The following SLC35F3 variants were observed in gnomAD, a reference collection of about 807,000 sequenced individuals.
The protein encoded by SLC35F3 is solute carrier family 35 member F3, also known as putative thiamine transporter SLC35F3.
Under a neutral mutation model 49.9 loss-of-function variants are expected in SLC35F3, and 25 were observed. The ratio of observed to expected loss-of-function variants is 0.50; its 90% CI spans 0.37 to 0.70. The LOEUF (loss-of-function observed/expected upper bound fraction) is 0.70. SLC35F3 is among the 30% of genes least tolerant of loss of function. SLC35F3 has a pLI of 0.00. For synonymous variants in SLC35F3, 275 were observed against 265.4 expected (o/e 1.04, Z -0.35); for missense variants, 525 against 639.8 (o/e 0.82, Z 1.94).
Position 234,127,756 on chromosome 1 carries a change from G to A in SLC35F3, c.284-103661G>A, listed in dbSNP as rs140047280. ...TCTTTGAAGGAAATAAATTAAACAC[G>A]AGTTTACATTAGAATAGATTTATAA... On this transcript the variant is annotated intron_variant, in intron 2 of 7. Coordinates refer to ENST00000366618, the MANE Select transcript of SLC35F3 (RefSeq NM_173508.4). Among the ~76,000 whole-genome samples the A allele has an allele frequency of 2.0e-3, 298 of 152,228 alleles. 1 individual carries two copies. The highest frequency in any genetic ancestry group is 6.7e-3 in the African/African-American group (278 of 41,536).
intron 2 of SLC35F3, among the ~76,000 whole-genome samples, chr1:234,223,892 C>T (rs1166643304): frequency 2.0e-5 from 3 of 152,178 alleles, no homozygotes; most frequent in African/African-American, 7.2e-5. Flanking sequence ...TCTTGGTTTG[C>T]AGATGGCCGC....
At chr1:233,954,846 A>G (rs913319107) in intron 2 of SLC35F3, among the ~76,000 whole-genome samples, 1 of 151,782 alleles carries the variant, frequency 6.6e-6, no homozygotes, top group African/African-American at 2.4e-5. Flanking sequence ...CCAGTCTTCA[A>G]TTTTTTTTCT....
intron 3 of SLC35F3, among the ~76,000 whole-genome samples, chr1:234,268,039 T>C (rs1371860530): frequency 1.3e-5 from 2 of 151,100 alleles, no homozygotes; most frequent in Admixed American, 6.6e-5. Flanking sequence ...CGCTCCTCAC[T>C]TCCCAGACGG....
chr1:233,983,960 G>A (rs1663225059), intron 2 of SLC35F3, among the ~76,000 whole-genome samples: 1 of 152,130 alleles, frequency 6.6e-6, no homozygotes, highest in Non-Finnish European at 1.5e-5. Context: ...GGAAAGCTCA[G>A]GAACTAGGAT....
Position 234,017,582 on chromosome 1 carries a change from C to T in SLC35F3, c.283+111824C>T, listed in dbSNP as rs891641336. On this transcript the variant is annotated intron_variant, in intron 2 of 7. Transcript: ENST00000366618. Reference sequence around the variant, plus strand: ...ACAAAAAATTAGCCTGGCACAGTGGCGGGTGCCTGTAGTCCCAGCTACTCG... The same window carrying T: ...ACAAAAAATTAGCCTGGCACAGTGGTGGGTGCCTGTAGTCCCAGCTACTCG... 2.6e-5 allele frequency among the ~76,000 whole-genome samples: 4 copies of T among 151,366 alleles called. 1 individual carries two copies. The South Asian group carries it at 8.4e-4, about 32-fold the overall frequency.
chr1:233,952,918 A>G (rs1029004191), intron 2 of SLC35F3, among the ~76,000 whole-genome samples: 1 of 152,148 alleles, frequency 6.6e-6, no homozygotes, highest in Non-Finnish European at 1.5e-5. Context: ...GATGATTTCC[A>G]AAAAGATGAG....
intron 2 of SLC35F3, among the ~76,000 whole-genome samples, chr1:233,911,198 C>T (rs954155189): frequency 2.6e-5 from 4 of 152,094 alleles, no homozygotes; most frequent in Admixed American, 6.5e-5. Context: ...ATGTTGCTGG[C>T]GTAGATACCG....
intron 3 of SLC35F3, among the ~76,000 whole-genome samples, chr1:234,273,844 C>T (rs1237328408): frequency 1.3e-5 from 2 of 152,198 alleles, no homozygotes; most frequent in African/African-American, 4.8e-5. Context: ...CTTAAGGGTG[C>T]CACAATCCAG....
At chr1:234,137,399 A>G (rs934327463) in intron 2 of SLC35F3, among the ~76,000 whole-genome samples, 6 of 152,198 alleles carry the variant, frequency 3.9e-5, no homozygotes, top group Non-Finnish European at 7.3e-5. Flanking sequence ...ATAAGCATCA[A>G]AGAGCAATCA....
At chr1:234,106,009 G>A (rs376571345) in intron 2 of SLC35F3, among the ~76,000 whole-genome samples, 12 of 152,304 alleles carry the variant, frequency 7.9e-5, no homozygotes, top group East Asian at 7.7e-4. Flanking sequence ...CAGAGCTGCA[G>A]CCAACCCACA....
At chr1:234,295,079 C>T (rs763492231) in intron 3 of SLC35F3, among the ~76,000 whole-genome samples, 5 of 152,240 alleles carry the variant, frequency 3.3e-5, no homozygotes, top group Non-Finnish European at 5.9e-5. Context: ...AGGAAGGTTG[C>T]CCATCTCAGT....
intron 2 of SLC35F3, among the ~76,000 whole-genome samples, chr1:233,921,663 A>G (rs566285090): frequency 7.1e-4 from 108 of 151,244 alleles, no homozygotes; most frequent in African/African-American, 2.5e-3. Flanking sequence ...CTTTTTTTTT[A>G]TTATTATACT....
chr1:233,975,589 G>A (rs866256283), intron 2 of SLC35F3, among the ~76,000 whole-genome samples: 27 of 152,328 alleles, frequency 1.8e-4, no homozygotes, highest in African/African-American at 6.3e-4. Context: ...TGATAGACAT[G>A]ATATCCATGA....
At position 234,132,699 on chromosome 1, in the gene SLC35F3, T is replaced by TA. The variant is rs754728771; in HGVS notation, c.284-98717dup. Reference sequence around the variant, plus strand: ...GATTTTTATTGCAGTGTTAATTTTTTATTGTTGAAATGTTAGATCTCTTTA... The same window carrying TA: ...GATTTTTATTGCAGTGTTAATTTTTTAATTGTTGAAATGTTAGATCTCTTTA... On this transcript the variant is annotated intron_variant, in intron 2 of 7. Transcript: ENST00000366618. Among the ~76,000 whole-genome samples, 79 of 152,386 alleles carry TA rather than the reference T, an allele frequency of 5.2e-4. 1 individual carries two copies. The highest frequency in any genetic ancestry group is 1.1e-3 in the Non-Finnish European group (73 of 68,032).
At chr1:233,962,938 T>C (rs1028565810) in intron 2 of SLC35F3, among the ~76,000 whole-genome samples, 22 of 152,220 alleles carry the variant, frequency 1.4e-4, no homozygotes, top group African/African-American at 3.9e-4. Flanking sequence ...ATGACTTGCA[T>C]AGCAAAATGG....
intron 2 of SLC35F3, among the ~76,000 whole-genome samples, chr1:233,993,956 A>G (rs945216327): frequency 6.6e-6 from 1 of 152,202 alleles, no homozygotes; most frequent in African/African-American, 2.4e-5. Flanking sequence ...ATTGTGTGAA[A>G]AGACTGTCAG....
intron 2 of SLC35F3, among the ~76,000 whole-genome samples, chr1:234,053,047 T>A (rs931815521): frequency 6.6e-6 from 1 of 152,224 alleles, no homozygotes; most frequent in Non-Finnish European, 1.5e-5. Context: ...TGAGGAGTGC[T>A]TTACTTCCAA....
At chr1:234,275,616 CACAA>C (rs1558094826) in intron 3 of SLC35F3, among the ~76,000 whole-genome samples, 1 of 151,938 alleles carries the variant, frequency 6.6e-6, no homozygotes, top group African/African-American at 2.4e-5. Flanking sequence ...CACACACACA[CACAA>C]ACATACACAC....
chr1:234,134,232 G>C (rs941103336), intron 2 of SLC35F3, among the ~76,000 whole-genome samples: 1 of 150,466 alleles, frequency 6.6e-6, no homozygotes, highest in African/African-American at 2.4e-5. Context: ...CTCTTGTAAA[G>C]TGTATTTTCT....
Sources: gnomAD v4.1 joint callset for allele counts (sites outside exome capture counted in the v4.1 genomes callset) on GRCh38, gnomAD v4.1.1 for gene constraint, MANE v1.5 for transcripts, NCBI Gene and HGNC (gene_info 2026-07-23, HGNC 2026-07-21) for gene names.